TPD52: variants seen among roughly 807,000 people sequenced by gnomAD.
The protein encoded by TPD52 is tumor protein D52.
Under a neutral mutation model 31.3 loss-of-function variants are expected in TPD52, and 17 were observed. The observed-to-expected ratio is 0.54, with a 90% CI of 0.37 to 0.82. TPD52 has a LOEUF of 0.82. Ranked by LOEUF, TPD52 falls within the 40% of genes least tolerant of loss-of-function variation. The pLI is 0.00. For missense variants in TPD52, 212 were observed against 240.1 expected (o/e 0.88, Z 0.77); for synonymous variants, 83 against 89.6 (o/e 0.93, Z 0.42).
intron 1 of TPD52, among the ~76,000 whole-genome samples, chr8:80,161,232 T>C (rs925290078): frequency 6.6e-6 from 1 of 152,220 alleles, no homozygotes; most frequent in Non-Finnish European, 1.5e-5. Flanking sequence ...CATTCTTACA[T>C]ACCTGCCTTA....
At chr8:80,099,286 A>G (rs1806555022) in intron 1 of TPD52, among the ~76,000 whole-genome samples, 1 of 152,214 alleles carries the variant, frequency 6.6e-6, no homozygotes, top group South Asian at 2.1e-4. Flanking sequence ...CGGCCCTATT[A>G]TAATATCAAA....
At chr8:80,102,512 A>G (rs755511247) in intron 1 of TPD52, among the ~76,000 whole-genome samples, 25 of 152,220 alleles carry the variant, frequency 1.6e-4, no homozygotes, top group Admixed American at 3.3e-4. Flanking sequence ...GAGTGTGAAG[A>G]CCAGATCATC....
At position 80,161,208 on chromosome 8, in the gene TPD52, T is replaced by C. The variant is rs964630919; in HGVS notation, c.19+10217A>G. On this transcript the variant is annotated intron_variant, in intron 1 of 7. Coordinates refer to ENST00000518937, the MANE Select transcript of TPD52 (RefSeq NM_001025253.3). The stretch of plus-strand genomic sequence containing the variant: ...TTTAACCAACACCGTCTCTTCTACC[T>C]ATGTATACACACACATTCTTACATA... 2.6e-5 allele frequency among the ~76,000 whole-genome samples: 4 copies of C among 152,262 alleles called. No homozygotes were observed. The East Asian group carries it at 7.7e-4, about 29-fold the overall frequency.
In TPD52 at chr8:80,053,453, A is replaced by T. The variant is rs767900750; in HGVS notation, c.136-23T>A. On this transcript the variant is annotated intron_variant, in intron 2 of 7. Coordinates refer to ENST00000518937, the MANE Select transcript of TPD52 (RefSeq NM_001025253.3). ...TACCTATGAGGAAGGGGTTTGGGGT[A>T]AGAATATAGCAAAAGTCATTCAGTA... The T allele has an allele frequency of 1.9e-6, 3 of 1,609,418 alleles. No homozygotes were observed. The Admixed American group carries it at 5.0e-5, about 27-fold the overall frequency.
chr8:80,091,660 A>G (rs941893014), intron 1 of TPD52, among the ~76,000 whole-genome samples: 1 of 152,184 alleles, frequency 6.6e-6, no homozygotes, highest in Non-Finnish European at 1.5e-5. Flanking sequence ...TTGAGTTGAA[A>G]TGTTATGGTC....
At chr8:80,157,063 C>T (rs1248495832) in intron 1 of TPD52, among the ~76,000 whole-genome samples, 1 of 152,158 alleles carries the variant, frequency 6.6e-6, no homozygotes, top group African/African-American at 2.4e-5. Context: ...TCCCGCTCCA[C>T]TTTGGATTGG....
At chr8:80,104,199 T>C (rs1006350534) in intron 1 of TPD52, among the ~76,000 whole-genome samples, 1 of 152,196 alleles carries the variant, frequency 6.6e-6, no homozygotes, top group African/African-American at 2.4e-5. Context: ...AACAAGCTCA[T>C]CTAGCCGTCA....
At chr8:80,133,395 T>A (rs1343830825) in intron 1 of TPD52, among the ~76,000 whole-genome samples, 2 of 152,180 alleles carry the variant, frequency 1.3e-5, no homozygotes, top group East Asian at 3.8e-4. Context: ...CATGTTTAGC[T>A]GTCTGGTGGA....
At chr8:80,032,382 G>A (rs1407671218), downstream of TPD52, among the ~76,000 whole-genome samples, 3 of 152,084 alleles carry the variant, frequency 2.0e-5, no homozygotes, top group African/African-American at 7.2e-5. Flanking sequence ...TAAGGATTCT[G>A]ATCCTGCTGT....
chr8:80,079,802 C>T (rs999047302), intron 1 of TPD52, among the ~76,000 whole-genome samples: 2 of 136,248 alleles, frequency 1.5e-5, no homozygotes, highest in African/African-American at 5.7e-5. Context: ...TCTAAAGGTA[C>T]AGCAATTTCT....
intron 1 of TPD52, among the ~76,000 whole-genome samples, chr8:80,087,140 T>C (rs79217795): frequency 0.17 from 26,579 of 152,036 alleles, 2,493 homozygotes; most frequent in South Asian, 0.29. Flanking sequence ...GTGTCCTTTT[T>C]TTTTCCCCCC....
chr8:80,071,173 C>G lies in TPD52; in HGVS notation c.20-6580G>C, dbSNP rs1813734658. Among the ~76,000 whole-genome samples the G allele has an allele frequency of 2.0e-5, 3 of 152,162 alleles. 1 individual carries two copies. Among genetic ancestry groups the G allele is most frequent in the Non-Finnish European group, 4.4e-5 (3 of 68,034 alleles). ...CTGCCAACGCCTTCATTTCAGATTT[C>G]TAACCTCCAGAACCGGGTGATAAGC... is the stretch of plus-strand genomic sequence containing the variant. On this transcript the variant is annotated intron_variant, in intron 1 of 7. Transcript: ENST00000518937.
At chr8:80,156,170 C>T (rs983538626) in intron 1 of TPD52, among the ~76,000 whole-genome samples, 1 of 152,118 alleles carries the variant, frequency 6.6e-6, no homozygotes, top group African/African-American at 2.4e-5. Context: ...GAAGGTGCAC[C>T]CGCTCACATG....
chr8:80,037,678 A>G lies in TPD52; in HGVS notation c.*438T>C, dbSNP rs1810005629. The stretch of plus-strand genomic sequence containing the variant: ...TACACCCAAACTTTTAATTACCAGG[A>G]TTCAGAATATTTAAGAGAACAATTT... On this transcript the variant is annotated 3_prime_UTR_variant, in exon 8 of 8. Coordinates refer to ENST00000518937, the MANE Select transcript of TPD52 (RefSeq NM_001025253.3). 6.5e-6 allele frequency: 1 copy of G among 152,880 alleles called. No individual in the cohort carries two copies. Among genetic ancestry groups the G allele is most frequent in the South Asian group, 2.1e-4 (1 of 4,854 alleles). The allele number at this position is 152,880 out of a possible 1,614,324, so 9.5% of individuals were successfully genotyped here.
At chr8:80,118,764 A>C (rs1380649655) in intron 1 of TPD52, among the ~76,000 whole-genome samples, 1 of 152,192 alleles carries the variant, frequency 6.6e-6, no homozygotes, top group Non-Finnish European at 1.5e-5. Flanking sequence ...CAAGAAGACA[A>C]TAATAAGTGT....
intron 7 of TPD52, chr8:80,042,382 T>A (rs994488722): frequency 7.1e-6 from 7 of 985,372 alleles, no homozygotes; most frequent in Non-Finnish European, 7.2e-6. Context: ...AAGTGCCATT[T>A]CTTTGTAAAT....
Position 80,035,984 on chromosome 8 carries a change from T to G in TPD52, c.*2132A>C, listed in dbSNP as rs927947685. On this transcript the variant is annotated 3_prime_UTR_variant, in exon 8 of 8. Coordinates refer to ENST00000518937, the MANE Select transcript of TPD52 (RefSeq NM_001025253.3). ...AAATTCATGTTTTTTTCTAAATCCATCCTCACTCTTTTTAATACTTCTTTC... is the reference window on the plus strand; with the variant it reads ...AAATTCATGTTTTTTTCTAAATCCAGCCTCACTCTTTTTAATACTTCTTTC... The G allele has an allele frequency of 1.3e-5, 2 of 152,214 alleles. No individual in the cohort carries two copies. Among genetic ancestry groups the G allele is most frequent in the Admixed American group, 1.3e-4 (2 of 15,292 alleles). The allele number at this position is 152,214 out of a possible 1,614,324, so 9.4% of individuals were successfully genotyped here. A position where few individuals can be genotyped will look rare whatever the true frequency, so the allele number is the denominator to read the frequency against.
At chr8:80,055,289 T>C (rs546320051) in intron 2 of TPD52, among the ~76,000 whole-genome samples, 1 of 152,358 alleles carries the variant, frequency 6.6e-6, no homozygotes, top group East Asian at 1.9e-4. Context: ...CTTGTGCTGC[T>C]AACACACCTA....
intron 3 of TPD52, 51 bp from the exon 4 acceptor site, chr8:80,051,679 T>A (rs1202957310): frequency 7.0e-6 from 10 of 1,438,080 alleles, no homozygotes; most frequent in Middle Eastern, 1.8e-4. Flanking sequence ...GCTCATCTTT[T>A]CTAATATCAA....
Sources: allele counts gnomAD v4.1 joint callset (sites outside exome capture counted in the v4.1 genomes callset), GRCh38; gene constraint gnomAD v4.1.1; transcripts MANE v1.5; gene names NCBI Gene and HGNC (gene_info 2026-07-23, HGNC 2026-07-21).